Variants in OPCML observed in about 807,000 individuals in gnomAD.
The protein encoded by OPCML is opioid binding protein/cell adhesion molecule like, also known as opioid-binding protein/cell adhesion molecule.
Under a neutral mutation model 37.8 loss-of-function variants are expected in OPCML, and 13 were observed. That is an observed-to-expected ratio of 0.34 (90% CI 0.22 to 0.55). OPCML has a LOEUF of 0.55. OPCML is among the 20% of genes least tolerant of loss of function. The pLI is 0.91. For missense variants in OPCML, 341 were observed against 435.6 expected (o/e 0.78, Z 1.93); for synonymous variants, 176 against 168.8 (o/e 1.04, Z -0.33).
chr11:133,495,376 A>T (rs376003760), intron 1 of OPCML, among the ~76,000 whole-genome samples: 5 of 152,196 alleles, frequency 3.3e-5, no homozygotes, highest in African/African-American at 1.2e-4. Flanking sequence ...GTATGCAAGT[A>T]TATTATTCGA....
intron 2 of OPCML, among the ~76,000 whole-genome samples, chr11:132,720,988 A>C (rs1944656210): frequency 6.6e-6 from 1 of 152,186 alleles, no homozygotes; most frequent in South Asian, 2.1e-4. Flanking sequence ...CTTAGCCAGC[A>C]ATCATTTAAA....
chr11:133,420,816 G>C, intron 1 of OPCML: 1 of 985,362 alleles, frequency 1.0e-6, no homozygotes, highest in South Asian at 4.7e-5. Context: ...AAACTAGAAG[G>C]AACATCGGGA....
At chr11:132,872,936 T>C (rs915032135) in intron 2 of OPCML, among the ~76,000 whole-genome samples, 1 of 152,030 alleles carries the variant, frequency 6.6e-6, no homozygotes, top group Admixed American at 6.6e-5. Flanking sequence ...TTTTTTTTTT[T>C]CTGGGAAATG....
chr11:132,624,308 A>G (rs577144115), intron 3 of OPCML, among the ~76,000 whole-genome samples: 29 of 152,282 alleles, frequency 1.9e-4, no homozygotes, highest in Non-Finnish European at 1.5e-5. Context: ...CCCTTACTGA[A>G]ACTGCTCATA....
rs1045240448 is a variant in OPCML at position 133,090,524 on chromosome 11, C to T, written c.62-147514G>A. On this transcript the variant is annotated intron_variant, in intron 1 of 7. Coordinates refer to ENST00000524381, the MANE Select transcript of OPCML (RefSeq NM_001012393.5). ...ATTCTGATGAGGTCTTAGGTGGAGA[C>T]GAGAAATAATGTATTAGAAACAGGA... Among the ~76,000 whole-genome samples, 6 of 151,988 alleles carry T rather than the reference C, an allele frequency of 3.9e-5. No homozygotes were observed. The South Asian group carries it at 1.0e-3, about 26-fold the overall frequency.
intron 7 of OPCML, among the ~76,000 whole-genome samples, chr11:132,428,753 G>T (rs1357055170): frequency 6.6e-6 from 1 of 152,184 alleles, no homozygotes; most frequent in Non-Finnish European, 1.5e-5. Context: ...AACATCATTT[G>T]TTCTTTGAGC....
intron 1 of OPCML, among the ~76,000 whole-genome samples, chr11:132,971,840 G>T (rs561475747): frequency 6.6e-6 from 1 of 152,130 alleles, no homozygotes; most frequent in African/African-American, 2.4e-5. Context: ...TAGATATGTG[G>T]GCCCTAAAAC....
At chr11:132,537,359 T>C (rs1447171560) in intron 3 of OPCML, among the ~76,000 whole-genome samples, 2 of 152,240 alleles carry the variant, frequency 1.3e-5, no homozygotes, top group Admixed American at 1.3e-4. Context: ...CAATGAATGG[T>C]ACTGAGACAA....
intron 2 of OPCML, among the ~76,000 whole-genome samples, chr11:132,658,647 A>C (rs1192977012): frequency 6.6e-6 from 1 of 152,184 alleles, no homozygotes; most frequent in African/African-American, 2.4e-5. Flanking sequence ...GCCGCTGAGA[A>C]GTTGGGTAGG....
At chr11:132,472,521 G>A (rs936044830) in intron 4 of OPCML, among the ~76,000 whole-genome samples, 7 of 152,208 alleles carry the variant, frequency 4.6e-5, no homozygotes, top group Admixed American at 3.9e-4. Context: ...GCATCTCTCT[G>A]TAATATTTAT....
chr11:133,284,459 AACAACAAAAAAACG>A (rs977129238), intron 1 of OPCML, among the ~76,000 whole-genome samples: 3 of 152,230 alleles, frequency 2.0e-5, no homozygotes, highest in African/African-American at 7.2e-5. Flanking sequence ...CAAAACAATC[AACAACAAAAAAACG>A]ACCTGCCTTC....
intron 3 of OPCML, among the ~76,000 whole-genome samples, chr11:132,605,399 TA>T (rs755243796): frequency 0.016 from 2,122 of 128,890 alleles, 17 homozygotes; most frequent in Non-Finnish European, 0.02. Context: ...CTACTAAAAA[TA>T]AAAAAAAAAA....
At chr11:133,439,248 G>A (rs1479779976) in intron 1 of OPCML, 1 of 974,918 alleles carries the variant, frequency 1.0e-6, no homozygotes, top group Non-Finnish European at 1.2e-6. Flanking sequence ...TCACAATTGA[G>A]TTGAAGCACT....
intron 4 of OPCML, among the ~76,000 whole-genome samples, chr11:132,459,544 T>G (rs910711471): frequency 2.1e-4 from 32 of 149,192 alleles, no homozygotes; most frequent in African/African-American, 6.9e-4. Context: ...TACATATATA[T>G]ATAGATAGAG....
intron 2 of OPCML, among the ~76,000 whole-genome samples, chr11:132,761,498 T>C (rs1033407076): frequency 7.9e-5 from 12 of 151,888 alleles, no homozygotes; most frequent in South Asian, 4.1e-4. Context: ...GGAGGCTTTG[T>C]TCATTCCTTT....
chr11:133,414,509 C>G (rs1945718870), intron 1 of OPCML, among the ~76,000 whole-genome samples: 1 of 152,182 alleles, frequency 6.6e-6, no homozygotes, highest in Middle Eastern at 3.4e-3. Context: ...AGACATAAAT[C>G]CTGGTTTTCA....
chr11:132,858,319 C>G (rs1184278792), intron 2 of OPCML, among the ~76,000 whole-genome samples: 1 of 152,170 alleles, frequency 6.6e-6, no homozygotes, highest in Non-Finnish European at 1.5e-5. Flanking sequence ...CCTCTTTGAC[C>G]GGGCCTGCCA....
rs112948789 is a variant in OPCML, at chr11:133,009,381, G to A, written c.62-66371C>T. 1.1e-3 allele frequency: 321 copies of A among 294,514 alleles called. 1 individual carries two copies. The highest frequency in any genetic ancestry group is 6.7e-3 in the African/African-American group (296 of 44,136). The allele number at this position is 294,514 out of a possible 1,614,324, so 18.2% of individuals were successfully genotyped here. A position where few individuals can be genotyped will look rare whatever the true frequency, so the allele number is the denominator to read the frequency against. On this transcript the variant is annotated intron_variant, in intron 1 of 7. Transcript: ENST00000524381. ...ATATAACAACAAGTTAATATTTCCA[G>A]GAACATATTTAGGAAGTCTGGCACT...
At chr11:132,692,350 C>T (rs1403515506) in intron 2 of OPCML, among the ~76,000 whole-genome samples, 3 of 152,150 alleles carry the variant, frequency 2.0e-5, no homozygotes, top group Non-Finnish European at 4.4e-5. Flanking sequence ...AATTAACACT[C>T]GTTGCCATGC....
Sources: gnomAD v4.1 joint callset for allele counts (sites outside exome capture counted in the v4.1 genomes callset) on GRCh38, gnomAD v4.1.1 for gene constraint, MANE v1.5 for transcripts, NCBI Gene and HGNC (gene_info 2026-07-23, HGNC 2026-07-21) for gene names.